Variants in SEMA3E observed in about 807,000 individuals in gnomAD.
The protein encoded by SEMA3E is semaphorin-3E.
Under a neutral mutation model 93.6 loss-of-function variants are expected in SEMA3E, and 49 were observed. That is an observed-to-expected ratio of 0.52 (90% CI 0.42 to 0.66). The LOEUF (loss-of-function observed/expected upper bound fraction) is 0.66, where lower values mean the gene tolerates loss of function less well. Ranked by LOEUF, SEMA3E falls within the 30% of genes least tolerant of loss-of-function variation. The pLI, the probability that SEMA3E is intolerant of heterozygous loss-of-function variation, is 0.00. For missense variants in SEMA3E, 906 were observed against 964.8 expected (o/e 0.94, Z 0.81); for synonymous variants, 363 against 330.7 (o/e 1.10, Z -1.06).
At chr7:83,604,167 T>C (rs561354740) in intron 1 of SEMA3E, among the ~76,000 whole-genome samples, 1 of 152,114 alleles carries the variant, frequency 6.6e-6, no homozygotes, top group East Asian at 1.9e-4. Context: ...GCAAAGCAAA[T>C]AGGTTGAAGG....
intron 2 of SEMA3E, among the ~76,000 whole-genome samples, chr7:83,469,923 A>T (rs1789857733): frequency 6.6e-6 from 1 of 151,814 alleles, no homozygotes; most frequent in South Asian, 2.1e-4. Flanking sequence ...CAGCCTCCCG[A>T]GTAGCTGGGA....
In SEMA3E at chr7:83,416,679, T is replaced by C. The variant is rs113802300; in HGVS notation, c.550+1711A>G. ...CAGTAAGAATTACATTTAGTATTTA[T>C]AGGAGACTTAGTCTTTGCAAGATAC... On this transcript the variant is annotated intron_variant, in intron 5 of 16. Transcript: ENST00000643230. Among the ~76,000 whole-genome samples the C allele has an allele frequency of 6.4e-3, 975 of 152,182 alleles. 9 individuals are homozygous for C. Among genetic ancestry groups the C allele is most frequent in the South Asian group, 0.032 (155 of 4,824 alleles).
intron 4 of SEMA3E, among the ~76,000 whole-genome samples, chr7:83,432,831 A>G (rs950408399): frequency 2.0e-5 from 3 of 152,196 alleles, no homozygotes; most frequent in South Asian, 2.1e-4. Flanking sequence ...GAACAGAAAA[A>G]AAGATATCCA....
At chr7:83,550,662 T>C (rs1395483553) in intron 1 of SEMA3E, among the ~76,000 whole-genome samples, 1 of 152,132 alleles carries the variant, frequency 6.6e-6, no homozygotes, top group Non-Finnish European at 1.5e-5. Context: ...AGTTTTAGCA[T>C]CTTACTCTAT....
chr7:83,554,024 A>G (rs1225037472), intron 1 of SEMA3E, among the ~76,000 whole-genome samples: 1 of 152,104 alleles, frequency 6.6e-6, no homozygotes, highest in East Asian at 1.9e-4. Context: ...TCAAAAGCCC[A>G]TTTATCTGAA....
At chr7:83,500,496 A>T (rs548771336) in intron 1 of SEMA3E, among the ~76,000 whole-genome samples, 1 of 151,908 alleles carries the variant, frequency 6.6e-6, no homozygotes, top group East Asian at 1.9e-4. Context: ...GAATGAAAAC[A>T]GATTTCTAGG....
At chr7:83,630,901 TC>T (rs1488399417) in intron 1 of SEMA3E, among the ~76,000 whole-genome samples, 1 of 152,176 alleles carries the variant, frequency 6.6e-6, no homozygotes, top group Non-Finnish European at 1.5e-5. Context: ...ACGCATAAAG[TC>T]TTTTGTAAAA....
intron 4 of SEMA3E, among the ~76,000 whole-genome samples, chr7:83,456,828 G>C (rs1789491536): frequency 6.6e-6 from 1 of 151,972 alleles, no homozygotes; most frequent in Admixed American, 6.5e-5. Context: ...TGGCCAGGCT[G>C]GTCTTGAACT....
chr7:83,450,406 T>C (rs1458706621), intron 4 of SEMA3E, among the ~76,000 whole-genome samples: 3 of 83,468 alleles, frequency 3.6e-5, no homozygotes, highest in Non-Finnish European at 9.6e-5. Context: ...GTTATATCCA[T>C]GTAAATAAAT....
At chr7:83,432,875 T>G (rs1788919925) in intron 4 of SEMA3E, among the ~76,000 whole-genome samples, 1 of 152,122 alleles carries the variant, frequency 6.6e-6, no homozygotes, top group Admixed American at 6.5e-5. Context: ...AAAAATAATT[T>G]ATAGTACAGT....
At chr7:83,410,258 G>A (rs1301622746) in intron 5 of SEMA3E, among the ~76,000 whole-genome samples, 2 of 151,876 alleles carry the variant, frequency 1.3e-5, no homozygotes, top group East Asian at 3.9e-4. Context: ...TTAACAATTG[G>A]TGAATCAAGG....
chr7:83,440,008 C>G (rs1435975169), intron 4 of SEMA3E, among the ~76,000 whole-genome samples: 1 of 152,200 alleles, frequency 6.6e-6, no homozygotes, highest in Non-Finnish European at 1.5e-5. Context: ...CCACTCTGTG[C>G]ACAGCGTATG....
chr7:83,551,916 C>A (rs183343), intron 1 of SEMA3E, among the ~76,000 whole-genome samples: 2 of 151,874 alleles, frequency 1.3e-5, no homozygotes, highest in African/African-American at 2.4e-5. Flanking sequence ...CATAAAAAAC[C>A]TCAGTGTTGC....
rs1393599450 is a variant in SEMA3E, at chr7:83,366,968, C to A, written c.*618G>T. 6.6e-6 allele frequency: 1 copy of A among 152,234 alleles called. No homozygotes were observed. Among genetic ancestry groups the A allele is most frequent in the Non-Finnish European group, 1.5e-5 (1 of 68,142 alleles). The allele number at this position is 152,234 out of a possible 1,614,324, so 9.4% of individuals were successfully genotyped here. ...GAAAATTAAAGACTGTGTTATAAAG[C>A]AAAAATAGTGTGAATGTACTTTAAT... is the stretch of plus-strand genomic sequence containing the variant. On this transcript the variant is annotated 3_prime_UTR_variant, in exon 17 of 17. Coordinates refer to ENST00000643230, the MANE Select transcript of SEMA3E (RefSeq NM_012431.3).
intron 1 of SEMA3E, among the ~76,000 whole-genome samples, chr7:83,639,779 A>T (rs1012534966): frequency 6.6e-6 from 1 of 151,496 alleles, no homozygotes; most frequent in Non-Finnish European, 1.5e-5. Context: ...ATCAAATAAA[A>T]TATACTGTAG....
chr7:83,390,540 C>A (rs1192392935), intron 14 of SEMA3E, among the ~76,000 whole-genome samples: 1 of 152,124 alleles, frequency 6.6e-6, no homozygotes, highest in Admixed American at 6.5e-5. Context: ...CATTTTCACT[C>A]TTTGAGCAGA....
intron 1 of SEMA3E, among the ~76,000 whole-genome samples, chr7:83,593,285 T>TCTCTTTC (rs1792795991): frequency 3.5e-4 from 2 of 5,752 alleles, no homozygotes; most frequent in African/African-American, 2.1e-3. Flanking sequence ...TCTCTCTCTC[T>TCTCTTTC]GTGTGTGTGT....
rs147407926 is a variant in SEMA3E at position 83,637,892 on chromosome 7, G to A, written c.115+10536C>T. Among the ~76,000 whole-genome samples, 1,062 of 151,018 alleles carry A rather than the reference G, an allele frequency of 7.0e-3. 4 individuals are homozygous for A. The highest frequency in any genetic ancestry group is 0.012 in the Non-Finnish European group (782 of 67,906). ...GTAGGACAGTGGTTTCTGGGCTGGT[G>A]TCCAAGATCAAGGAGGAAATTGTTG... On this transcript the variant is annotated intron_variant, in intron 1 of 16. Transcript: ENST00000643230.
rs71522671 is a variant in SEMA3E at position 83,600,486 on chromosome 7, A to ATTTTTTTTTTTTTTTT, written c.115+47926_115+47941dup. Among the ~76,000 whole-genome samples the ATTTTTTTTTTTTTTTT allele has an allele frequency of 4.1e-4, 26 of 63,072 alleles. 1 individual carries two copies. The highest frequency in any genetic ancestry group is 6.4e-4 in the South Asian group (1 of 1,560). 41.4% of individuals were successfully genotyped at this position (63,072 alleles called of 152,430 possible). A position where few individuals can be genotyped will look rare whatever the true frequency, so the allele number is the denominator to read the frequency against. On this transcript the variant is annotated intron_variant, in intron 1 of 16. Coordinates refer to ENST00000643230, the MANE Select transcript of SEMA3E (RefSeq NM_012431.3). ...AGGCGCCCGCCACCACGCCCAGCTA[A>ATTTTTTTTTTTTTTTT]TTTTTTTTTTTTTTTTTTTTTTTTT...
Sources: gnomAD v4.1 joint callset for allele counts (sites outside exome capture counted in the v4.1 genomes callset) on GRCh38, gnomAD v4.1.1 for gene constraint, MANE v1.5 for transcripts, NCBI Gene and HGNC (gene_info 2026-07-23, HGNC 2026-07-21) for gene names.